Variants in CHKA observed in about 807,000 individuals in gnomAD.
The protein encoded by CHKA is choline kinase alpha.
A neutral mutation model predicts 60.1 loss-of-function variants in CHKA; 34 were observed. That is an observed-to-expected ratio of 0.57 (90% CI 0.43 to 0.75). The LOEUF is 0.75. CHKA is among the 30% of genes least tolerant of loss of function. The probability of loss-of-function intolerance (pLI) is 0.00; values close to 1 mark genes in which losing one functional copy is unlikely to be tolerated. For synonymous variants in CHKA, 217 were observed against 223.1 expected (o/e 0.97, Z 0.24); for missense variants, 563 against 561.3 (o/e 1.00, Z -0.03).
chr11:68,081,656 C>A, intron 2 of CHKA, 199 bp from the exon 3 acceptor site: 1 of 514,710 alleles, frequency 1.9e-6, no homozygotes, highest in Non-Finnish European at 3.5e-6. Flanking sequence ...GAAAGTGCTT[C>A]ATTGCTTTAC....
At chr11:68,096,837 C>T (rs756968247) in intron 2 of CHKA, among the ~76,000 whole-genome samples, 182 bp downstream of exon 2, 5 of 152,092 alleles carry the variant, frequency 3.3e-5, no homozygotes, top group Admixed American at 6.6e-5. Flanking sequence ...AAAAAAAACA[C>T]GAATTAACTT....
chr11:68,113,923 G>A (rs1258306803), intron 1 of CHKA, among the ~76,000 whole-genome samples: 5 of 151,880 alleles, frequency 3.3e-5, no homozygotes, highest in African/African-American at 9.7e-5. Context: ...CCCAGGAAGC[G>A]GAGGTTGCAG....
At chr11:68,084,275 TATATATACAC>T (rs1240216465) in intron 2 of CHKA, among the ~76,000 whole-genome samples, 1 of 145,712 alleles carries the variant, frequency 6.9e-6, no homozygotes, top group Non-Finnish European at 1.5e-5. Context: ...CATATATACG[TATATATACAC>T]ATATATATAC....
chr11:68,081,406 G>T lies in CHKA; in HGVS notation c.514C>A (p.Gln172Lys). The T allele has an allele frequency of 6.2e-7, 1 of 1,612,882 alleles. No individual in the cohort carries two copies. The highest frequency in any genetic ancestry group is 1.1e-5 in the South Asian group (1 of 91,054). The change falls in exon 3 of 12, where the codon CAA becomes AAA. Residue 172 changes from glutamine (Q) to lysine (K), a missense_variant and splice_region_variant. Transcript: ENST00000265689. ...TGCAGAAAGACTGAATTACTTACTT[G>T]AAATTCATTTTCTTTCTGAGCTTGT... ...SEQAQKENEF[Q>K]GAEAMVLESV...
At chr11:68,077,274 C>T (rs1188803640) in intron 3 of CHKA, among the ~76,000 whole-genome samples, 1 of 152,044 alleles carries the variant, frequency 6.6e-6, no homozygotes, top group East Asian at 1.9e-4. Context: ...CACCCAGGCA[C>T]AAGCAAGAAA....
chr11:68,097,635 C>CAAAA (rs386374052), intron 1 of CHKA, among the ~76,000 whole-genome samples: 7 of 111,818 alleles, frequency 6.3e-5, no homozygotes, highest in African/African-American at 1.4e-4. Context: ...GACTCCGTCT[C>CAAAA]AAAAAAAAAA....
At chr11:68,105,645 G>C (rs1339237733) in intron 1 of CHKA, among the ~76,000 whole-genome samples, 1 of 151,786 alleles carries the variant, frequency 6.6e-6, no homozygotes, top group Admixed American at 6.6e-5. Context: ...GGATATTTTG[G>C]GATTCATGTA....
intron 1 of CHKA, among the ~76,000 whole-genome samples, chr11:68,104,564 C>A (rs907619855): frequency 6.6e-6 from 1 of 151,834 alleles, no homozygotes; most frequent in African/African-American, 2.4e-5. Context: ...AGGATTCAGG[C>A]TCCCACTACC....
At chr11:68,083,864 A>T (rs930107938) in intron 2 of CHKA, among the ~76,000 whole-genome samples, 5 of 152,176 alleles carry the variant, frequency 3.3e-5, no homozygotes, top group Admixed American at 6.5e-5. Context: ...TGTAAATAAG[A>T]AGTGTAAGAC....
At chr11:68,058,194 T>A (rs1303272256) in intron 11 of CHKA, among the ~76,000 whole-genome samples, 1 of 152,186 alleles carries the variant, frequency 6.6e-6, no homozygotes, top group African/African-American at 2.4e-5. Flanking sequence ...CCTGGATGAT[T>A]TACATTACTT....
intron 10 of CHKA, among the ~76,000 whole-genome samples, chr11:68,063,724 T>C (rs891130275): frequency 6.6e-6 from 1 of 152,164 alleles, no homozygotes; most frequent in African/African-American, 2.4e-5. Context: ...ATGGGGGTAG[T>C]TTCCCCCATG....
At chr11:68,100,845 C>T (rs1857686276) in intron 1 of CHKA, among the ~76,000 whole-genome samples, 1 of 151,374 alleles carries the variant, frequency 6.6e-6, no homozygotes, top group Non-Finnish European at 1.5e-5. Flanking sequence ...CACCCCTGCC[C>T]TCCAGACCCA....
At chr11:68,114,866 T>G (rs528381233) in intron 1 of CHKA, among the ~76,000 whole-genome samples, 1 of 152,260 alleles carries the variant, frequency 6.6e-6, no homozygotes, top group East Asian at 1.9e-4. Context: ...GACCAGTGAT[T>G]GGCTGGGCTT....
intron 1 of CHKA, among the ~76,000 whole-genome samples, chr11:68,105,043 G>C (rs1030526226): frequency 6.6e-6 from 1 of 151,816 alleles, no homozygotes; most frequent in Non-Finnish European, 1.5e-5. Flanking sequence ...GATGGAGGCT[G>C]CAGTGAGTTG....
At position 68,097,034 on chromosome 11, in the gene CHKA, T is replaced by C; in HGVS notation, c.447A>G (p.Gly149=). ...ACCAACTCACCATCTGCAAAATCGC[T>C]CCATACAGCCGCAGGAGCACTTTCC... The part of the protein sequence containing the change: ...EPRKVLLRLY[G]AILQMRSCNK... Residue 149 remains glycine (G), a synonymous_variant, in exon 2 of 12, where the codon GGA becomes GGG. Coordinates refer to ENST00000265689, the MANE Select transcript of CHKA (RefSeq NM_001277.3). 6.2e-7 allele frequency: 1 copy of C among 1,612,438 alleles called. No individual in the cohort carries two copies. Among genetic ancestry groups the C allele is most frequent in the Non-Finnish European group, 8.5e-7 (1 of 1,179,176 alleles).
chr11:68,089,763 A>C (rs1490628815), intron 2 of CHKA: 1 of 152,238 alleles, frequency 6.6e-6, no homozygotes, highest in Non-Finnish European at 1.5e-5. Flanking sequence ...TCCAAGAACT[A>C]AAAGAAAGAA....
intron 6 of CHKA, 29 bp from the exon 7 acceptor site, chr11:68,068,966 T>C (rs1408398478): frequency 1.3e-6 from 2 of 1,570,368 alleles, no homozygotes; most frequent in Admixed American, 1.7e-5. Flanking sequence ...CTGTTACCCA[T>C]CACGCTTCTC....
At position 68,121,268 on chromosome 11, in the gene CHKA, C is replaced by T; in HGVS notation, c.-91G>A. 9.8e-7 allele frequency: 1 copy of T among 1,022,512 alleles called. No individual in the cohort carries two copies. The highest frequency in any genetic ancestry group is 4.5e-5 in the South Asian group (1 of 22,386). The allele number at this position is 1,022,512 out of a possible 1,614,324, so 63.3% of individuals were successfully genotyped here. A position where few individuals can be genotyped will look rare whatever the true frequency, so the allele number is the denominator to read the frequency against. Reference sequence around the variant, plus strand: ...CGGGCGCCCCCTCGCCGCTCTCTCACTGGCAGGCCGGCGGGGCAGGGGGCC... The same window carrying T: ...CGGGCGCCCCCTCGCCGCTCTCTCATTGGCAGGCCGGCGGGGCAGGGGGCC... On this transcript the variant is annotated 5_prime_UTR_variant, in exon 1 of 12. In the 5' UTR this introduces an upstream ATG that the reference lacks. Coordinates refer to ENST00000265689, the MANE Select transcript of CHKA (RefSeq NM_001277.3).
Position 68,053,955 on chromosome 11 carries a change from C to T in CHKA, c.*33G>A, listed in dbSNP as rs1855897852. 1 of 1,598,526 alleles carries T rather than the reference C, an allele frequency of 6.3e-7. No homozygotes were observed. Among genetic ancestry groups the T allele is most frequent in the African/African-American group, 1.3e-5 (1 of 74,636 alleles). On this transcript the variant is annotated 3_prime_UTR_variant, in exon 12 of 12. Coordinates refer to ENST00000265689, the MANE Select transcript of CHKA (RefSeq NM_001277.3). Reference sequence around the variant, plus strand: ...CCGCTCTGCTGCCTCCCCATGCAGTCCAGTGATGAGGTGGATGGAGTCCTC... The same window carrying T: ...CCGCTCTGCTGCCTCCCCATGCAGTTCAGTGATGAGGTGGATGGAGTCCTC...
Sources: allele counts gnomAD v4.1 joint callset (sites outside exome capture counted in the v4.1 genomes callset), GRCh38; gene constraint gnomAD v4.1.1; transcripts MANE v1.5; gene names NCBI Gene and HGNC (gene_info 2026-07-23, HGNC 2026-07-21).